The following PAG1 variants were observed in gnomAD, a reference collection of about 807,000 sequenced individuals.
PAG1 encodes the protein phosphoprotein associated with glycosphingolipid-enriched microdomains 1.
A neutral mutation model predicts 31.7 loss-of-function variants in PAG1; 23 were observed. The ratio of observed to expected loss-of-function variants is 0.73; its 90% confidence interval spans 0.52 to 1.03. The LOEUF (loss-of-function observed/expected upper bound fraction) is 1.03. Among genes scored for constraint, PAG1 ranks in the 50% least tolerant of loss-of-function variants. The pLI, the probability that PAG1 is intolerant of heterozygous loss-of-function variation, is 0.00. For missense variants in PAG1, 473 were observed against 540.7 expected (o/e 0.87, Z 1.24); for synonymous variants, 214 against 210.3 (o/e 1.02, Z -0.15).
chr8:81,101,141 T>G (rs1433995554), intron 1 of PAG1, among the ~76,000 whole-genome samples: 2 of 152,214 alleles, frequency 1.3e-5, no homozygotes, highest in Non-Finnish European at 2.9e-5. Flanking sequence ...AGTGTTATTT[T>G]TCTCAATGAC....
At chr8:81,044,539 G>A (rs1010835318) in intron 2 of PAG1, among the ~76,000 whole-genome samples, 9 of 152,162 alleles carry the variant, frequency 5.9e-5, no homozygotes, top group Admixed American at 5.2e-4. Context: ...TTGACATCTT[G>A]ATTTTGGACT....
At chr8:81,070,448 C>T (rs1283540667) in intron 1 of PAG1, among the ~76,000 whole-genome samples, 2 of 152,058 alleles carry the variant, frequency 1.3e-5, no homozygotes, top group Non-Finnish European at 2.9e-5. Flanking sequence ...GCATTAATTG[C>T]ATGTAGTAAT....
At chr8:80,981,520 A>G (rs1299464132) in intron 7 of PAG1, among the ~76,000 whole-genome samples, 3 of 151,924 alleles carry the variant, frequency 2.0e-5, no homozygotes, top group Admixed American at 6.6e-5. Context: ...CTCCTCACCT[A>G]TCTTCACTCT....
At chr8:81,006,993 GAA>G (rs1226691338) in intron 3 of PAG1, among the ~76,000 whole-genome samples, 1 of 152,168 alleles carries the variant, frequency 6.6e-6, no homozygotes, top group Non-Finnish European at 1.5e-5. Context: ...AGAGACCAAG[GAA>G]AGTCTTCAGG....
At chr8:80,986,661 A>C (rs1199877826) in intron 6 of PAG1, among the ~76,000 whole-genome samples, 1 of 152,158 alleles carries the variant, frequency 6.6e-6, no homozygotes, top group Admixed American at 6.5e-5. Flanking sequence ...GAACTTGTGA[A>C]TGTGTAATGT....
intron 3 of PAG1, among the ~76,000 whole-genome samples, 176 bp from the exon 4 acceptor site, chr8:80,993,483 C>T (rs1807603178): frequency 6.6e-6 from 1 of 152,078 alleles, no homozygotes. Context: ...CCTCCATGGT[C>T]TAGGTCTTCA....
intron 1 of PAG1, among the ~76,000 whole-genome samples, chr8:81,072,023 A>G (rs562353692): frequency 6.6e-6 from 1 of 152,216 alleles, no homozygotes; most frequent in Non-Finnish European, 1.5e-5. Context: ...AAGAGAGAAC[A>G]GACCAGCGGC....
At chr8:81,011,712 T>C (rs1807987920) in intron 3 of PAG1, among the ~76,000 whole-genome samples, 1 of 152,246 alleles carries the variant, frequency 6.6e-6, no homozygotes, top group Non-Finnish European at 1.5e-5. Context: ...ATGTGTACAG[T>C]TGCAATTTCA....
chr8:81,028,429 T>C (rs1808322475), intron 3 of PAG1, among the ~76,000 whole-genome samples: 1 of 152,252 alleles, frequency 6.6e-6, no homozygotes, highest in South Asian at 2.1e-4. Context: ...TTTTCATTTG[T>C]ACCAATGTGA....
chr8:81,090,304 G>C (rs1809424694), intron 1 of PAG1, among the ~76,000 whole-genome samples: 1 of 152,158 alleles, frequency 6.6e-6, no homozygotes, highest in African/African-American at 2.4e-5. Flanking sequence ...TTCTGTGCCA[G>C]ACTCTGTTCT....
rs770252401 is a variant in PAG1 at position 81,081,211 on chromosome 8, TTA to T, written c.-233-11043_-233-11042del. 6.0e-5 allele frequency among the ~76,000 whole-genome samples: 9 copies of T among 150,344 alleles called. 2 individuals are homozygous for T. Among genetic ancestry groups the T allele is most frequent in the Admixed American group, 3.3e-4 (5 of 15,196 alleles). ...CCTTCCTTCCCAATCTCCAAACAAA[TTA>T]AAAAAAAAAACAGACTTTAGAAGAG... On this transcript the variant is annotated intron_variant, in intron 1 of 8. Transcript: ENST00000220597.
chr8:81,078,680 A>G (rs1208663648), intron 1 of PAG1, among the ~76,000 whole-genome samples: 1 of 152,116 alleles, frequency 6.6e-6, no homozygotes, highest in Non-Finnish European at 1.5e-5. Flanking sequence ...TATTTAGATG[A>G]CACTGTAGGT....
chr8:81,102,802 T>A (rs926118242), intron 1 of PAG1, among the ~76,000 whole-genome samples: 2 of 152,228 alleles, frequency 1.3e-5, no homozygotes, highest in Non-Finnish European at 2.9e-5. Flanking sequence ...ACAAATGCTT[T>A]AACACTTTGG....
chr8:80,988,732 G>T lies in PAG1; in HGVS notation c.178-1266C>A, dbSNP rs553371406. On this transcript the variant is annotated intron_variant, in intron 5 of 8. Coordinates refer to ENST00000220597, the MANE Select transcript of PAG1 (RefSeq NM_018440.4). ...CTCCCAAAGTGCTGGGATTACAGGC[G>T]TGAGCCACTGTGCCCAGCTCTGCAA... 2.0e-5 allele frequency among the ~76,000 whole-genome samples: 3 copies of T among 152,310 alleles called. No individual in the cohort carries two copies. In the South Asian group the frequency reaches 6.2e-4, roughly 32 times the overall value.
At chr8:81,021,675 C>T (rs970122913) in intron 3 of PAG1, among the ~76,000 whole-genome samples, 1 of 151,598 alleles carries the variant, frequency 6.6e-6, no homozygotes, top group Non-Finnish European at 1.5e-5. Context: ...AAGAAAAGGG[C>T]AGATGTTAAT....
intron 1 of PAG1, among the ~76,000 whole-genome samples, chr8:81,092,847 C>T (rs1191454785): frequency 2.0e-5 from 3 of 152,282 alleles, no homozygotes; most frequent in Admixed American, 6.5e-5. Flanking sequence ...TGAGCTTTAA[C>T]AGGAGAAATT....
intron 1 of PAG1, among the ~76,000 whole-genome samples, chr8:81,074,327 G>C (rs1448922917): frequency 6.6e-6 from 1 of 152,160 alleles, no homozygotes; most frequent in African/African-American, 2.4e-5. Flanking sequence ...GGATCATGAG[G>C]GAAGAGGGAG....
chr8:81,063,097 C>T (rs1487186925), intron 2 of PAG1, among the ~76,000 whole-genome samples: 1 of 152,126 alleles, frequency 6.6e-6, no homozygotes, highest in Non-Finnish European at 1.5e-5. Context: ...CTATGAGAAA[C>T]TTGGAATTTA....
chr8:81,082,252 CAAA>C (rs748117144), intron 1 of PAG1, among the ~76,000 whole-genome samples: 1 of 48,094 alleles, frequency 2.1e-5, no homozygotes, highest in Admixed American at 2.1e-4. Flanking sequence ...GACTCTGTCT[CAAA>C]AAAAAAAAAA....
Sources: allele counts gnomAD v4.1 joint callset (sites outside exome capture counted in the v4.1 genomes callset), GRCh38; gene constraint gnomAD v4.1.1; transcripts MANE v1.5; gene names NCBI Gene and HGNC (gene_info 2026-07-23, HGNC 2026-07-21).